The following NRXN3 variants were observed in gnomAD, a reference collection of about 807,000 sequenced individuals.
NRXN3 encodes the protein neurexin 3.
Under a neutral mutation model 137.6 loss-of-function variants are expected in NRXN3, and 32 were observed. The ratio of observed to expected loss-of-function variants is 0.23; its 90% CI spans 0.18 to 0.31. NRXN3 has a LOEUF of 0.31. Among genes scored for constraint, NRXN3 ranks in the 10% least tolerant of loss-of-function variants. The pLI is 1.00. For missense variants in NRXN3, 1,574 were observed against 2,062.5 expected (o/e 0.76, Z 4.59); for synonymous variants, 798 against 784.5 (o/e 1.02, Z -0.29).
chr14:79,847,168 A>T (rs2099378912), intron 20 of NRXN3, among the ~76,000 whole-genome samples: 1 of 152,184 alleles, frequency 6.6e-6, no homozygotes, highest in Non-Finnish European at 1.5e-5. Context: ...GGAGTATCTG[A>T]CTCAGCAAAC....
At chr14:78,985,844 A>C (rs1469325020) in intron 14 of NRXN3, among the ~76,000 whole-genome samples, 1 of 152,202 alleles carries the variant, frequency 6.6e-6, no homozygotes, top group African/African-American at 2.4e-5. Flanking sequence ...TGTATAACAC[A>C]ATGCTTGAGT....
At chr14:78,355,706 C>T (rs2084193165) in intron 4 of NRXN3, among the ~76,000 whole-genome samples, 1 of 152,232 alleles carries the variant, frequency 6.6e-6, no homozygotes, top group Non-Finnish European at 1.5e-5. Flanking sequence ...AGGCATTAGC[C>T]ACCACGCCCT....
chr14:79,234,318 ATATATATATATATATATATATAATATT>A (rs2072907909), intron 15 of NRXN3, among the ~76,000 whole-genome samples: 1 of 119,106 alleles, frequency 8.4e-6, no homozygotes, highest in South Asian at 2.6e-4. Flanking sequence ...ATATATATAT[ATATATATATATATATATATATAATATT>A]TATATATATA....
chr14:79,351,628 A>G (rs2093211690), intron 15 of NRXN3, among the ~76,000 whole-genome samples: 1 of 152,210 alleles, frequency 6.6e-6, no homozygotes, highest in Non-Finnish European at 1.5e-5. Flanking sequence ...TATTATATAC[A>G]CAAGTAGCAA....
intron 10 of NRXN3, among the ~76,000 whole-genome samples, chr14:78,955,467 T>TAAGCTG (rs2099395269): frequency 6.6e-6 from 1 of 152,182 alleles, no homozygotes; most frequent in South Asian, 2.1e-4. Context: ...CAAAGCAAGA[T>TAAGCTG]AAGCTGAGAT....
chr14:78,587,915 A>G (rs2097081893), intron 4 of NRXN3, among the ~76,000 whole-genome samples: 1 of 151,966 alleles, frequency 6.6e-6, no homozygotes, highest in Non-Finnish European at 1.5e-5. Context: ...GATATCAGCT[A>G]TTTTTTTAAT....
At chr14:79,704,778 G>A (rs539489511) in intron 19 of NRXN3, among the ~76,000 whole-genome samples, 1 of 152,076 alleles carries the variant, frequency 6.6e-6, no homozygotes, top group Non-Finnish European at 1.5e-5. Context: ...TGGGGGGAGA[G>A]AAATTGCACT....
intron 15 of NRXN3, among the ~76,000 whole-genome samples, chr14:79,059,928 T>C (rs750325245): frequency 1.3e-5 from 2 of 152,176 alleles, no homozygotes; most frequent in African/African-American, 2.4e-5. Context: ...TCCATACAAA[T>C]ACCAGGAAAC....
At chr14:78,726,515 C>CTTT (rs71452901) in intron 8 of NRXN3, among the ~76,000 whole-genome samples, 10,860 of 102,420 alleles carry the variant, frequency 0.11, 1,148 homozygotes, top group Non-Finnish European at 0.14. Context: ...ACCATTTTAG[C>CTTT]TTTTTTTTTT....
chr14:79,544,080 G>A (rs1213758982), intron 16 of NRXN3, among the ~76,000 whole-genome samples: 91 of 151,940 alleles, frequency 6.0e-4, no homozygotes, highest in Non-Finnish European at 1.0e-4. Flanking sequence ...CAAAATTTAG[G>A]CAAAAAATAA....
intron 15 of NRXN3, among the ~76,000 whole-genome samples, chr14:79,254,121 G>GAAA (rs2076282472): frequency 6.6e-6 from 1 of 152,040 alleles, no homozygotes; most frequent in African/African-American, 2.4e-5. Context: ...AAAGGTCTGA[G>GAAA]AAAAATATGT....
chr14:79,710,484 G>C (rs577038795), intron 19 of NRXN3, among the ~76,000 whole-genome samples: 135 of 152,274 alleles, frequency 8.9e-4, no homozygotes, highest in African/African-American at 3.1e-3. Context: ...GCACAGCAGT[G>C]GTCTTAGTTG....
chr14:79,162,115 T>G (rs977009378), intron 15 of NRXN3, among the ~76,000 whole-genome samples: 15 of 151,874 alleles, frequency 9.9e-5, no homozygotes, highest in South Asian at 4.1e-4. Context: ...TTTGTTTTTT[T>G]TTTTTGTGGT....
chr14:78,764,352 A>G (rs1355824217), intron 8 of NRXN3, among the ~76,000 whole-genome samples: 1 of 152,216 alleles, frequency 6.6e-6, no homozygotes, highest in Non-Finnish European at 1.5e-5. Context: ...AGGAGGAAGT[A>G]CATTCCTGGC....
chr14:78,317,342 T>G (rs989776411), intron 4 of NRXN3, among the ~76,000 whole-genome samples: 1 of 152,136 alleles, frequency 6.6e-6, no homozygotes, highest in African/African-American at 2.4e-5. Flanking sequence ...GAGTGAGCAT[T>G]ATCGCCTAAG....
At chr14:79,723,162 A>G (rs1404044423) in intron 19 of NRXN3, among the ~76,000 whole-genome samples, 1 of 152,126 alleles carries the variant, frequency 6.6e-6, no homozygotes, top group African/African-American at 2.4e-5. Flanking sequence ...TGGAGGAAAT[A>G]CTTGGAAATA....
At chr14:79,401,864 A>G (rs1355742597) in intron 15 of NRXN3, among the ~76,000 whole-genome samples, 2 of 151,672 alleles carry the variant, frequency 1.3e-5, no homozygotes, top group Non-Finnish European at 1.5e-5. Context: ...AAAAAAAAAA[A>G]CAATGAGTAT....
At chr14:79,809,138 A>C (rs768968182) in intron 20 of NRXN3, among the ~76,000 whole-genome samples, 1 of 152,252 alleles carries the variant, frequency 6.6e-6, no homozygotes, top group African/African-American at 2.4e-5. Context: ...ACAGAACTTT[A>C]TATCTCTAAC....
chr14:78,293,052 A>T (rs138615666), intron 3 of NRXN3, among the ~76,000 whole-genome samples: 7 of 152,126 alleles, frequency 4.6e-5, no homozygotes, highest in Non-Finnish European at 7.4e-5. Context: ...CTCAGTTAAG[A>T]TTTTTTGAGC....
Sources: allele counts gnomAD v4.1 joint callset (sites outside exome capture counted in the v4.1 genomes callset), GRCh38; gene constraint gnomAD v4.1.1; transcripts MANE v1.5; gene names NCBI Gene and HGNC (gene_info 2026-07-23, HGNC 2026-07-21).